Variants in CYREN observed in about 807,000 individuals in gnomAD.
CYREN encodes the protein cell cycle regulator of NHEJ, also known as cell cycle regulator of non-homologous end joining.
CYREN carries 7 observed loss-of-function variants against 9.7 expected under a neutral mutation model. The ratio of observed to expected loss-of-function variants is 0.72; its 90% confidence interval spans 0.41 to 1.36. CYREN has a LOEUF of 1.36. Among genes scored for constraint, CYREN ranks in the 40% most tolerant of loss-of-function variants. The pLI is 0.01. For synonymous variants in CYREN, 76 were observed against 77.9 expected, an observed-to-expected ratio of 0.98 and a Z score of 0.13; for missense variants, 215 against 198.1, an observed-to-expected ratio of 1.09 and a Z score of -0.51.
intron 2 of CYREN, among the ~76,000 whole-genome samples, chr7:135,128,187 G>C (rs1439543362): frequency 6.6e-6 from 1 of 150,696 alleles, no homozygotes; most frequent in African/African-American, 2.4e-5. Flanking sequence ...AGCTACTCGG[G>C]AGGCTGCGAC....
intron 2 of CYREN, among the ~76,000 whole-genome samples, chr7:135,111,603 T>C (rs1217100203): frequency 6.6e-6 from 1 of 151,946 alleles, no homozygotes. Flanking sequence ...CATTTCACAA[T>C]AGCTATTGTG....
At chr7:135,139,938 C>T (rs192201783) in intron 2 of CYREN, among the ~76,000 whole-genome samples, 40 of 152,008 alleles carry the variant, frequency 2.6e-4, no homozygotes, top group Admixed American at 1.7e-3. Flanking sequence ...GTTTTTGTAC[C>T]AGTACCATGT....
chr7:135,159,164 CAT>C (rs1829867120), intron 2 of CYREN, among the ~76,000 whole-genome samples: 1 of 152,224 alleles, frequency 6.6e-6, no homozygotes, highest in Admixed American at 6.5e-5. Flanking sequence ...TCATGTTTCC[CAT>C]ATCTTTTCTG....
chr7:135,133,239 G>C (rs185576613), intron 2 of CYREN, among the ~76,000 whole-genome samples: 1 of 152,204 alleles, frequency 6.6e-6, no homozygotes, highest in African/African-American at 2.4e-5. Flanking sequence ...GGTTTTACAG[G>C]GTTTCTATGC....
chr7:135,109,570 C>T (rs1825307110), intron 2 of CYREN, among the ~76,000 whole-genome samples: 1 of 152,062 alleles, frequency 6.6e-6, no homozygotes, highest in African/African-American at 2.4e-5. Flanking sequence ...AAGGTACCAA[C>T]AATGAAGGTC....
exon 3 of CYREN, chr7:135,093,447 T>C (rs1217325867): frequency 6.6e-6 from 1 of 152,172 alleles, no homozygotes; most frequent in Non-Finnish European, 1.5e-5. Context: ...AAATCAATTG[T>C]ATCTCTATAC....
intron 2 of CYREN, among the ~76,000 whole-genome samples, chr7:135,160,223 C>G (rs1829894544): frequency 6.6e-6 from 1 of 152,158 alleles, no homozygotes. Flanking sequence ...CTTTTCTCTG[C>G]ACTTTCATGT....
exon 3 of CYREN, chr7:135,093,495 C>T (rs918067292): frequency 6.6e-6 from 1 of 152,022 alleles, no homozygotes; most frequent in Non-Finnish European, 1.5e-5. Context: ...ATTAAGAAAA[C>T]AATTCCATTT....
At chr7:135,095,786 A>G (rs897887929) in intron 2 of CYREN, among the ~76,000 whole-genome samples, 16 of 152,144 alleles carry the variant, frequency 1.1e-4, no homozygotes, top group African/African-American at 3.6e-4. Flanking sequence ...TGGATCATCC[A>G]GGGGAGCATC....
chr7:135,163,329 CT>C (rs1200517424), downstream of CYREN, among the ~76,000 whole-genome samples: 1 of 152,096 alleles, frequency 6.6e-6, no homozygotes, highest in Admixed American at 6.5e-5. Flanking sequence ...AAAAGGTTAT[CT>C]TTTTTATTAT....
chr7:135,096,414 G>GGGAA (rs1554516463), intron 2 of CYREN, among the ~76,000 whole-genome samples: 1 of 147,162 alleles, frequency 6.8e-6, no homozygotes, highest in East Asian at 2.0e-4. Flanking sequence ...GAGGAAGGAA[G>GGGAA]GAAAGAAAGA....
intron 2 of CYREN, among the ~76,000 whole-genome samples, chr7:135,127,835 A>C (rs1585275517): frequency 6.6e-6 from 1 of 152,194 alleles, no homozygotes; most frequent in East Asian, 1.9e-4. Flanking sequence ...GTATATACCC[A>C]AAGGAATATA....
At chr7:135,095,511 C>A (rs1292915347) in intron 2 of CYREN, among the ~76,000 whole-genome samples, 1 of 152,152 alleles carries the variant, frequency 6.6e-6, no homozygotes, top group Non-Finnish European at 1.5e-5. Context: ...TAATATAAAA[C>A]CCCATAGTAA....
intron 2 of CYREN, chr7:135,115,353 G>A (rs779255050): frequency 7.2e-7 from 1 of 1,396,454 alleles, no homozygotes; most frequent in South Asian, 1.3e-5. Context: ...TCATATCTCT[G>A]TACATATTTT....
intron 2 of CYREN, among the ~76,000 whole-genome samples, chr7:135,148,502 G>C (rs942516457): frequency 5.9e-5 from 9 of 152,072 alleles, no homozygotes; most frequent in Non-Finnish European, 7.4e-5. Context: ...GTGTAGCTCT[G>C]GCCTCAAAGA....
chr7:135,115,873 A>G, intron 2 of CYREN: 2 of 355,658 alleles, frequency 5.6e-6, no homozygotes, highest in South Asian at 9.4e-5. Context: ...AGGCATAAAT[A>G]AAGTATGATT....
downstream of CYREN, chr7:135,165,058 C>G: frequency 6.7e-7 from 1 of 1,498,110 alleles, no homozygotes; most frequent in Non-Finnish European, 9.0e-7. Context: ...CACATCTGCT[C>G]AGCCATCTCA....
At chr7:135,147,730 C>T in intron 2 of CYREN, 1 of 455,744 alleles carries the variant, frequency 2.2e-6, no homozygotes, top group Non-Finnish European at 4.4e-6. Context: ...TGGGTCCTGA[C>T]TGCCACACTG....
chr7:135,107,387 A>G (rs939935190), intron 2 of CYREN, among the ~76,000 whole-genome samples: 1 of 152,156 alleles, frequency 6.6e-6, no homozygotes, highest in Admixed American at 6.5e-5. Flanking sequence ...TGCCTTAGCT[A>G]TGTCCCAGAG....
Sources: allele counts gnomAD v4.1 joint callset (sites outside exome capture counted in the v4.1 genomes callset), GRCh38; gene constraint gnomAD v4.1.1; transcripts MANE v1.5; gene names NCBI Gene and HGNC (gene_info 2026-07-23, HGNC 2026-07-21).